The following CLVS1 variants were observed in gnomAD, a reference collection of about 807,000 sequenced individuals.
The protein encoded by CLVS1 is clavesin-1.
Under a neutral mutation model 33.1 loss-of-function variants are expected in CLVS1, and 10 were observed. The ratio of observed to expected loss-of-function variants is 0.30; its 90% confidence interval spans 0.19 to 0.51. CLVS1 has a LOEUF of 0.51. CLVS1 is among the 20% of genes least tolerant of loss of function. The pLI, the probability that CLVS1 is intolerant of heterozygous loss-of-function variation, is 0.97. For synonymous variants in CLVS1, 163 were observed against 166.1 expected (o/e 0.98, Z 0.14); for missense variants, 343 against 433.4 (o/e 0.79, Z 1.85).
At chr8:60,989,623 G>T in the CLVS1 span, among the ~76,000 whole-genome samples, 4 of 152,218 alleles carry the variant, frequency 2.6e-5, no homozygotes, top group South Asian at 8.3e-4. Flanking sequence ...TAATGTGGGC[G>T]TTTCAATGTC....
chr8:61,287,543 G>A (rs1385013756), upstream of CLVS1, among the ~76,000 whole-genome samples: 1 of 151,686 alleles, frequency 6.6e-6, no homozygotes, highest in Non-Finnish European at 1.5e-5. Flanking sequence ...TCCTGAGATC[G>A]GTAAAATATT....
intron 3 of CLVS1, among the ~76,000 whole-genome samples, chr8:61,451,226 A>C (rs1157651586): frequency 6.6e-6 from 1 of 152,108 alleles, no homozygotes; most frequent in Non-Finnish European, 1.5e-5. Flanking sequence ...TGAATAATAG[A>C]AAATAGTAAG....
At chr8:61,484,623 A>C (rs534383819) in intron 5 of CLVS1, among the ~76,000 whole-genome samples, 2 of 152,158 alleles carry the variant, frequency 1.3e-5, no homozygotes, top group African/African-American at 4.8e-5. Flanking sequence ...CAAAAAAGAG[A>C]CCACATTGCC....
At chr8:61,045,233 C>A in the CLVS1 span, among the ~76,000 whole-genome samples, 1 of 152,192 alleles carries the variant, frequency 6.6e-6, no homozygotes, top group East Asian at 1.9e-4. Flanking sequence ...ATTCCAGAAG[C>A]CTCTTCTCAC....
At chr8:61,257,561 G>T (rs1809111803) in intron 2 of CLVS1, among the ~76,000 whole-genome samples, 1 of 152,120 alleles carries the variant, frequency 6.6e-6, no homozygotes, top group African/African-American at 2.4e-5. Flanking sequence ...ATGTACCATT[G>T]CAGAGCAAAG....
chr8:61,431,148 T>C (rs181196144), intron 3 of CLVS1, among the ~76,000 whole-genome samples: 13 of 152,218 alleles, frequency 8.5e-5, no homozygotes, highest in Non-Finnish European at 1.5e-4. Flanking sequence ...CTCACTTACA[T>C]AGAGAAGTCA....
intron 3 of CLVS1, among the ~76,000 whole-genome samples, chr8:61,449,302 G>C (rs1816871049): frequency 6.6e-6 from 1 of 152,196 alleles, no homozygotes; most frequent in Non-Finnish European, 1.5e-5. Flanking sequence ...CATCAGTGGA[G>C]AAAGGGAAGG....
In CLVS1 at chr8:61,331,818, TC is replaced by T. The variant is rs2129597275; in HGVS notation, c.455+31538del. ...CTTCTTCTTCTTCTCCTCCTCCTCC[TC>T]CTCTTCCTCCTCCTCCTCCTCCTCC... On this transcript the variant is annotated intron_variant, in intron 2 of 5. Transcript: ENST00000325897. Among the ~76,000 whole-genome samples the T allele has an allele frequency of 2.7e-5, 4 of 148,870 alleles. No homozygotes were observed. In the South Asian group the frequency reaches 6.4e-4, roughly 24 times the overall value.
intron 2 of CLVS1, among the ~76,000 whole-genome samples, chr8:61,198,361 A>G (rs946031970): frequency 4.6e-5 from 7 of 152,138 alleles, no homozygotes; most frequent in Non-Finnish European, 1.0e-4. Flanking sequence ...CCTGAATAGT[A>G]TACATTGTAC....
At chr8:61,150,124 G>A (rs1416419546) in intron 2 of CLVS1, among the ~76,000 whole-genome samples, 1 of 151,980 alleles carries the variant, frequency 6.6e-6, no homozygotes, top group East Asian at 1.9e-4. Context: ...GTGTGTGTGT[G>A]TGTGACTCTC....
intron 3 of CLVS1, among the ~76,000 whole-genome samples, chr8:61,449,734 C>A (rs1816885834): frequency 6.6e-6 from 1 of 152,168 alleles, no homozygotes; most frequent in Admixed American, 6.5e-5. Flanking sequence ...TGTCCCAAGA[C>A]TTTGATACAT....
intron 2 of CLVS1, among the ~76,000 whole-genome samples, chr8:61,320,282 C>A (rs1811149924): frequency 6.6e-6 from 1 of 150,974 alleles, no homozygotes; most frequent in Non-Finnish European, 1.5e-5. Context: ...AAGATTTTTT[C>A]TTTTTGCTAT....
the CLVS1 span, among the ~76,000 whole-genome samples, chr8:61,008,042 G>T: frequency 2.6e-5 from 4 of 152,158 alleles, no homozygotes; most frequent in African/African-American, 7.2e-5. Context: ...TTGAAGGAGG[G>T]AATATGTGCT....
At chr8:61,451,298 A>G (rs971990359) in intron 3 of CLVS1, among the ~76,000 whole-genome samples, 1 of 151,806 alleles carries the variant, frequency 6.6e-6, no homozygotes, top group African/African-American at 2.4e-5. Flanking sequence ...ATCTTCTCAT[A>G]TTTTGTATTT....
At position 61,329,312 on chromosome 8, in the gene CLVS1, A is replaced by C. The variant is rs569762320; in HGVS notation, c.455+29030A>C. ...ACTTGCATATTTTGAAATAGCATGC[A>C]CATACTGCTATTTGTTGATTATTTT... is the stretch of plus-strand genomic sequence containing the variant. On this transcript the variant is annotated intron_variant, in intron 2 of 5. Coordinates refer to ENST00000325897, the MANE Select transcript of CLVS1 (RefSeq NM_173519.3). 6.6e-5 allele frequency among the ~76,000 whole-genome samples: 10 copies of C among 152,264 alleles called. No individual in the cohort carries two copies. In the South Asian group the frequency reaches 1.9e-3, roughly 28 times the overall value.
chr8:61,104,595 A>C (rs143827913), intron 1 of CLVS1, among the ~76,000 whole-genome samples: 1 of 152,230 alleles, frequency 6.6e-6, no homozygotes, highest in Non-Finnish European at 1.5e-5. Flanking sequence ...CTTATTTTTT[A>C]TAATACATTT....
chr8:61,330,185 G>T lies in CLVS1; in HGVS notation c.455+29903G>T, dbSNP rs142370832. Among the ~76,000 whole-genome samples, 348 of 152,206 alleles carry T rather than the reference G, an allele frequency of 2.3e-3. 4 individuals carry two copies. The highest frequency in any genetic ancestry group is 7.6e-3 in the African/African-American group (316 of 41,546). The stretch of plus-strand genomic sequence containing the variant: ...CTGTGTGTACCATCTCCAAGGCTGA[G>T]GACTCCAAGGCTGAGGACTGACCAA... On this transcript the variant is annotated intron_variant, in intron 2 of 5. Coordinates refer to ENST00000325897, the MANE Select transcript of CLVS1 (RefSeq NM_173519.3).
At chr8:61,481,101 G>T (rs758967066) in intron 5 of CLVS1, among the ~76,000 whole-genome samples, 2 of 152,144 alleles carry the variant, frequency 1.3e-5, no homozygotes, top group Non-Finnish European at 2.9e-5. Flanking sequence ...GGGGACATAG[G>T]TGTTGTTGAC....
intron 2 of CLVS1, among the ~76,000 whole-genome samples, chr8:61,326,623 C>G (rs1331406540): frequency 1.3e-5 from 2 of 152,144 alleles, no homozygotes; most frequent in Non-Finnish European, 2.9e-5. Context: ...AATCGCAGTA[C>G]AGAGGAACAT....
Sources: allele counts gnomAD v4.1 joint callset (sites outside exome capture counted in the v4.1 genomes callset), GRCh38; gene constraint gnomAD v4.1.1; transcripts MANE v1.5; gene names NCBI Gene and HGNC (gene_info 2026-07-23, HGNC 2026-07-21).